NEBL: variants seen among roughly 807,000 people sequenced by gnomAD.
The protein encoded by NEBL is LIM and SH3 protein 2.
Under a neutral mutation model 140.2 loss-of-function variants are expected in NEBL, and 122 were observed. The observed-to-expected ratio is 0.87, with a 90% confidence interval of 0.75 to 1.01. The LOEUF (loss-of-function observed/expected upper bound fraction) is 1.01. Among genes scored for constraint, NEBL ranks in the 50% least tolerant of loss-of-function variants. The pLI, the probability that NEBL is intolerant of heterozygous loss-of-function variation, is 0.00. For missense variants in NEBL, 1,365 were observed against 1,231.3 expected (o/e 1.11, Z -1.62); for synonymous variants, 436 against 398.9 (o/e 1.09, Z -1.11).
intron 26 of NEBL, among the ~76,000 whole-genome samples, chr10:20,806,360 A>T (rs1391024396): frequency 6.6e-6 from 1 of 152,182 alleles, no homozygotes; most frequent in Non-Finnish European, 1.5e-5. Context: ...CTCCTCTTCT[A>T]AACTCTAATT....
At chr10:21,014,602 CT>C in intron 3 of NEBL, among the ~76,000 whole-genome samples, 1 of 152,316 alleles carries the variant, frequency 6.6e-6, no homozygotes, top group African/African-American at 2.4e-5. Flanking sequence ...CAACTCCCCC[CT>C]GAGAAAGGTT....
chr10:21,133,696 C>T (rs1371655300), intron 2 of NEBL, among the ~76,000 whole-genome samples: 2 of 152,184 alleles, frequency 1.3e-5, no homozygotes, highest in Non-Finnish European at 1.5e-5. Flanking sequence ...CCCATCATAT[C>T]AATCCTAAGG....
intron 4 of NEBL, among the ~76,000 whole-genome samples, chr10:20,957,533 T>C (rs1389017146): frequency 6.6e-6 from 1 of 152,112 alleles, no homozygotes; most frequent in Non-Finnish European, 1.5e-5. Context: ...AGGGAAATAA[T>C]ATAGGGCAGG....
intron 1 of NEBL, among the ~76,000 whole-genome samples, chr10:21,284,379 C>G (rs1309285127): frequency 6.6e-6 from 1 of 152,106 alleles, no homozygotes; most frequent in African/African-American, 2.4e-5. Flanking sequence ...CAACTTGGCT[C>G]TTCCTGCAGC....
chr10:21,079,927 T>C (rs1010897908), intron 2 of NEBL, among the ~76,000 whole-genome samples: 2 of 152,224 alleles, frequency 1.3e-5, no homozygotes, highest in Admixed American at 6.5e-5. Context: ...CCTTGAACAA[T>C]GACCAATATA....
At chr10:21,248,128 T>G (rs1383903537) in intron 2 of NEBL, 1 of 212,634 alleles carries the variant, frequency 4.7e-6, no homozygotes, top group Non-Finnish European at 1.1e-5. Context: ...TGGAATGCAG[T>G]GGTGCAATCA....
chr10:20,834,219 T>C (rs1452923197), intron 14 of NEBL, among the ~76,000 whole-genome samples: 3 of 152,074 alleles, frequency 2.0e-5, no homozygotes, highest in East Asian at 3.9e-4. Flanking sequence ...TGACCCCATT[T>C]AAGATTTTTT....
At chr10:21,023,234 T>A (rs955169666) in intron 2 of NEBL, among the ~76,000 whole-genome samples, 1 of 152,132 alleles carries the variant, frequency 6.6e-6, no homozygotes, top group Admixed American at 6.6e-5. Flanking sequence ...ATTTGAAAAT[T>A]TTACATATGG....
At position 20,880,882 on chromosome 10, in the gene NEBL, T is replaced by A. The variant is rs1489033030; in HGVS notation, c.392A>T (p.Asp131Val). ...ATAATCTGAGAATCCTTTGGCAGCA[T>A]CATGTTTCTGCTTGTAGGCCACCTG... ...QSEVAYKQKH[D>V]AAKGFSDYAH... Residue 131 changes from aspartate (D) to valine (V), a missense_variant, in exon 5 of 28, where the codon GAT becomes GTT. Asp to Val is a radical substitution (Grantham distance 152). Around this residue, in one of 2 missense-constraint regions of NEBL, gnomAD observed 1,323 missense variants for 1,154.8 expected, o/e 1.15. Coordinates refer to ENST00000377122, the MANE Select transcript of NEBL (RefSeq NM_006393.3). 6.2e-7 allele frequency: 1 copy of A among 1,613,982 alleles called. No homozygotes were observed. Among genetic ancestry groups the A allele is most frequent in the Non-Finnish European group, 8.5e-7 (1 of 1,180,010 alleles).
chr10:20,904,377 G>T (rs1362629471), intron 4 of NEBL, among the ~76,000 whole-genome samples: 2 of 152,120 alleles, frequency 1.3e-5, no homozygotes, highest in African/African-American at 4.8e-5. Context: ...TTATTAATGA[G>T]TTAAAAATCT....
chr10:20,858,187 T>G (rs889560170), intron 9 of NEBL, 53 bp downstream of exon 9: 3 of 1,389,072 alleles, frequency 2.2e-6, no homozygotes, highest in Non-Finnish European at 1.0e-6. Context: ...GCAGACATAT[T>G]GGCTTCTTGG....
intron 2 of NEBL, among the ~76,000 whole-genome samples, chr10:21,095,799 A>G (rs1837159671): frequency 6.6e-6 from 1 of 152,190 alleles, no homozygotes; most frequent in Middle Eastern, 3.2e-3. Context: ...GACAAGGAAG[A>G]CTTGGGGTTA....
At chr10:20,923,718 A>G (rs1403516491) in intron 4 of NEBL, among the ~76,000 whole-genome samples, 1 of 141,830 alleles carries the variant, frequency 7.1e-6, no homozygotes, top group Admixed American at 7.4e-5. Context: ...TTGACATGCT[A>G]TTTGGAAGTG....
At chr10:21,169,958 A>G (rs925104299) in intron 2 of NEBL, among the ~76,000 whole-genome samples, 22 of 152,010 alleles carry the variant, frequency 1.4e-4, no homozygotes, top group Admixed American at 2.6e-4. Context: ...AAGTAGAATC[A>G]TTTCCTTTTG....
chr10:20,974,357 G>T (rs771545752), intron 3 of NEBL, among the ~76,000 whole-genome samples: 3 of 150,800 alleles, frequency 2.0e-5, no homozygotes, highest in Non-Finnish European at 4.4e-5. Context: ...GGGCTCAAGC[G>T]ATCCTCCCAT....
chr10:21,063,106 C>T (rs1835373650), intron 2 of NEBL, among the ~76,000 whole-genome samples: 1 of 152,130 alleles, frequency 6.6e-6, no homozygotes, highest in Non-Finnish European at 1.5e-5. Flanking sequence ...ATGCCTGCAA[C>T]ATAACTGCGG....
rs151106272 is a variant in NEBL, at chr10:20,869,998, T to G, written c.481-157A>C. Reference sequence around the variant, plus strand: ...TTGTGCATCTATTTGTATAGCTATATTAACTCTTTATACTATACCTATGTC... The same window carrying G: ...TTGTGCATCTATTTGTATAGCTATAGTAACTCTTTATACTATACCTATGTC... On this transcript the variant is annotated intron_variant, in intron 5 of 27. Coordinates refer to ENST00000377122, the MANE Select transcript of NEBL (RefSeq NM_006393.3). 4.1e-3 allele frequency among the ~76,000 whole-genome samples: 624 copies of G among 152,252 alleles called. 5 individuals are homozygous for G. The highest frequency in any genetic ancestry group is 0.015 in the African/African-American group (608 of 41,544).
chr10:20,798,977 C>T (rs918936471), intron 26 of NEBL, among the ~76,000 whole-genome samples: 7 of 152,114 alleles, frequency 4.6e-5, no homozygotes, highest in Non-Finnish European at 1.0e-4. Context: ...CTGCCCGAAA[C>T]TTTTTCTTAG....
At chr10:20,927,421 A>G (rs2131522418) in intron 4 of NEBL, among the ~76,000 whole-genome samples, 1 of 152,324 alleles carries the variant, frequency 6.6e-6, no homozygotes, top group African/African-American at 2.4e-5. Flanking sequence ...TACTCCACAG[A>G]GCAAATGGTG....
Sources: allele counts gnomAD v4.1 joint callset (sites outside exome capture counted in the v4.1 genomes callset), GRCh38; gene constraint gnomAD v4.1.1; regional missense constraint gnomAD v4.1.1; transcripts MANE v1.5; gene names NCBI Gene and HGNC (gene_info 2026-07-23, HGNC 2026-07-21).